TET3: variants seen among roughly 807,000 people sequenced by gnomAD.
TET3 encodes the protein tet methylcytosine dioxygenase 3.
In TET3, 19 loss-of-function variants were observed where a neutral mutation model predicts 141.4. The observed-to-expected ratio is 0.13, with a 90% CI of 0.09 to 0.20. TET3 has a LOEUF of 0.20. Among genes scored for constraint, TET3 ranks in the 10% least tolerant of loss-of-function variants. The pLI is 1.00. For missense variants in TET3, 1,874 were observed against 2,356.9 expected, an observed-to-expected ratio of 0.80 and a Z score of 4.24; for synonymous variants, 1,043 against 980.9, an observed-to-expected ratio of 1.06 and a Z score of -1.18.
Position 74,046,208 on chromosome 2 carries a change from G to A in TET3, c.361-70G>A. 1.4e-6 allele frequency: 2 copies of A among 1,395,594 alleles called. No individual in the cohort carries two copies. The highest frequency in any genetic ancestry group is 1.9e-6 in the Non-Finnish European group (2 of 1,059,262). The allele number at this position is 1,395,594 out of a possible 1,614,324, so 86.5% of individuals were successfully genotyped here. The stretch of plus-strand genomic sequence containing the variant: ...GGTCAGATGTGCACCTGAGTGGTAT[G>A]AAGCAGGGAAATGCTTTTCAAATAG... On this transcript the variant is annotated intron_variant, in intron 3 of 11. Transcript: ENST00000409262. The surrounding 1 kb of genome is among the most constrained non-coding windows in gnomAD (Gnocchi z 4.3).
intron 10 of TET3, among the ~76,000 whole-genome samples, chr2:74,094,917 G>A (rs1165608391): frequency 6.6e-6 from 1 of 152,182 alleles, no homozygotes; most frequent in African/African-American, 2.4e-5. Flanking sequence ...GAGTAGGCAG[G>A]GGGCAAGGAG....
Position 73,988,990 on chromosome 2 carries a change from G to GTTTTTTTT in TET3, c.303+2285_303+2292dup, listed in dbSNP as rs1437398059. Among the ~76,000 whole-genome samples the GTTTTTTTT allele has an allele frequency of 6.6e-5, 7 of 106,330 alleles. 1 individual carries two copies. Among genetic ancestry groups the GTTTTTTTT allele is most frequent in the South Asian group, 2.9e-4 (1 of 3,490 alleles). 69.8% of individuals were successfully genotyped at this position (106,330 alleles called of 152,430 possible). A position where few individuals can be genotyped will look rare whatever the true frequency, so the allele number is the denominator to read the frequency against. On this transcript the variant is annotated intron_variant, in intron 2 of 11. Transcript: ENST00000409262. ...GTGCCTCTCTCTGAAAAAAAAAAAA[G>GTTTTTTTT]TTTTTTTTGTTTTTTTTTTTTTTTG...
At chr2:74,112,673 G>C (rs145849221), downstream of TET3, among the ~76,000 whole-genome samples, 574 of 152,172 alleles carry the variant, frequency 3.8e-3, 4 homozygotes, top group Middle Eastern at 0.014. Context: ...CAAGAGATTA[G>C]ACAGTGACTA....
At chr2:74,121,852 A>G in the TET3 span, 85,413 of 152,088 alleles carry the variant, frequency 0.56, 26,496 homozygotes, top group East Asian at 0.91. Flanking sequence ...ACAAAAATTA[A>G]CCAGATGTGG....
intron 4 of TET3, among the ~76,000 whole-genome samples, chr2:74,059,136 T>G (rs1688364519): frequency 6.6e-6 from 1 of 152,284 alleles, no homozygotes; most frequent in African/African-American, 2.4e-5. Flanking sequence ...TTGCCTGTTC[T>G]TGAACTTCAT....
chr2:74,001,148 A>G (rs1684830548), intron 2 of TET3, among the ~76,000 whole-genome samples: 1 of 151,998 alleles, frequency 6.6e-6, no homozygotes, highest in South Asian at 2.1e-4. Flanking sequence ...CTGTGTTCCC[A>G]GGGGGAGGCA....
intron 4 of TET3, among the ~76,000 whole-genome samples, chr2:74,053,771 T>C (rs375907522): frequency 9.8e-5 from 15 of 152,312 alleles, no homozygotes; most frequent in African/African-American, 3.1e-4. Flanking sequence ...CACAAAGTTA[T>C]TTGTTTACAG....
At chr2:74,086,769 C>T (rs1573889743) in intron 6 of TET3, among the ~76,000 whole-genome samples, 2 of 123,478 alleles carry the variant, frequency 1.6e-5, no homozygotes, top group African/African-American at 3.3e-5. Context: ...CCAGCCTGGG[C>T]AACAGAGTAA....
intron 7 of TET3, 129 bp from the exon 8 acceptor site, chr2:74,089,768 G>A: frequency 8.0e-7 from 1 of 1,251,576 alleles, no homozygotes; most frequent in Non-Finnish European, 1.1e-6. Context: ...GGGTGGGGAA[G>A]GATGAGTCTC....
At chr2:73,997,430 G>A (rs951663755) in intron 2 of TET3, among the ~76,000 whole-genome samples, 1 of 152,146 alleles carries the variant, frequency 6.6e-6, no homozygotes, top group African/African-American at 2.4e-5. Context: ...AGAGAGGGAC[G>A]GCAGACTCTT....
chr2:74,041,319 A>G (rs570606986), intron 3 of TET3, among the ~76,000 whole-genome samples: 1 of 152,162 alleles, frequency 6.6e-6, no homozygotes, highest in Non-Finnish European at 1.5e-5. Context: ...CTGGAGTTTT[A>G]TCTTGTTCAG....
chr2:74,116,771 A>G, the TET3 span, among the ~76,000 whole-genome samples: 4 of 151,834 alleles, frequency 2.6e-5, no homozygotes, highest in Admixed American at 6.6e-5. Flanking sequence ...AAAAGAACAA[A>G]CAAAAAGATT....
At chr2:74,120,490 G>A in the TET3 span, among the ~76,000 whole-genome samples, 1 of 152,238 alleles carries the variant, frequency 6.6e-6, no homozygotes, top group Non-Finnish European at 1.5e-5. Flanking sequence ...GCGAATGGCC[G>A]GTTATTCACA....
chr2:74,004,209 T>G (rs1032053313), intron 3 of TET3, among the ~76,000 whole-genome samples: 3 of 152,158 alleles, frequency 2.0e-5, no homozygotes, highest in African/African-American at 7.2e-5. Flanking sequence ...TCAGCCCACC[T>G]GCCCCCTCAG....
intron 3 of TET3, among the ~76,000 whole-genome samples, chr2:74,007,202 A>T (rs1685195700): frequency 6.6e-6 from 1 of 152,212 alleles, no homozygotes. Flanking sequence ...AATGCTTTTG[A>T]CTTCAGCGTT....
chr2:74,063,583 TTA>T (rs142516065), intron 4 of TET3, among the ~76,000 whole-genome samples: 5,315 of 152,250 alleles, frequency 0.035, 306 homozygotes, highest in African/African-American at 0.12. Flanking sequence ...ATGATTCCAC[TTA>T]TATGAGTTTT....
At chr2:74,119,760 G>A in the TET3 span, among the ~76,000 whole-genome samples, 1 of 152,100 alleles carries the variant, frequency 6.6e-6, no homozygotes, top group Admixed American at 6.5e-5. Flanking sequence ...GCAAAATGGT[G>A]GATTTCCAAT....
chr2:73,993,648 C>T (rs926802419), intron 2 of TET3: 3 of 152,184 alleles, frequency 2.0e-5, no homozygotes, highest in African/African-American at 7.2e-5. Context: ...TTGAGATTTA[C>T]TGCATGTTTC....
At position 74,000,580 on chromosome 2, in the gene TET3, GTC is replaced by G. The variant is rs1684797188; in HGVS notation, c.304-2526_304-2525del. The stretch of plus-strand genomic sequence containing the variant: ...CAGGCAGAAGGAGCAGCACCGGGAA[GTC>G]TCTGAGGCATGAAAACATTACTAGA... On this transcript the variant is annotated intron_variant, in intron 2 of 11. Transcript: ENST00000409262. Among the ~76,000 whole-genome samples the G allele has an allele frequency of 3.3e-5, 5 of 152,122 alleles. 1 individual carries two copies. The South Asian group carries it at 1.0e-3, about 31-fold the overall frequency.
Sources: gnomAD v4.1 joint callset for allele counts (sites outside exome capture counted in the v4.1 genomes callset) on GRCh38, gnomAD v4.1.1 for gene constraint, Gnocchi (gnomAD v3.1) non-coding constraint, MANE v1.5 for transcripts, NCBI Gene and HGNC (gene_info 2026-07-23, HGNC 2026-07-21) for gene names.